Variants in SLC5A4 observed in about 807,000 individuals in gnomAD.
The protein encoded by SLC5A4 is solute carrier family 5 member 4, also known as probable glucose sensor protein SLC5A4.
In SLC5A4, 55 loss-of-function variants were observed where a neutral mutation model predicts 70.3. The ratio of observed to expected loss-of-function variants is 0.78; its 90% CI spans 0.63 to 0.98. The LOEUF is 0.98. Among genes scored for constraint, SLC5A4 ranks in the 50% least tolerant of loss-of-function variants. The pLI, the probability that SLC5A4 is intolerant of heterozygous loss-of-function variation, is 0.00. For missense variants in SLC5A4, 735 were observed against 839.2 expected, an observed-to-expected ratio of 0.88 and a Z score of 1.53; for synonymous variants, 268 against 305.7, an observed-to-expected ratio of 0.88 and a Z score of 1.29.
chr22:32,254,924 A>T (rs1285385298), intron 1 of SLC5A4, among the ~76,000 whole-genome samples: 2 of 152,236 alleles, frequency 1.3e-5, no homozygotes, highest in Non-Finnish European at 2.9e-5. Context: ...AAGAAATGCG[A>T]TAATAAAAAT....
chr22:32,248,387 G>C (rs5998336), intron 4 of SLC5A4, among the ~76,000 whole-genome samples: 65 of 152,018 alleles, frequency 4.3e-4, no homozygotes, highest in African/African-American at 1.5e-3. Context: ...CTCCCAGATA[G>C]GGTCAAAGAG....
the SLC5A4 span, among the ~76,000 whole-genome samples, chr22:32,326,526 A>G: frequency 5.9e-5 from 9 of 152,024 alleles, no homozygotes; most frequent in African/African-American, 2.2e-4. Flanking sequence ...AAGTGCTGGG[A>G]TTACAGACAT....
chr22:32,302,492 T>C, the SLC5A4 span, among the ~76,000 whole-genome samples: 4 of 152,252 alleles, frequency 2.6e-5, 1 homozygote, highest in Non-Finnish European at 5.9e-5. Flanking sequence ...TTACTTAGTA[T>C]GTAAGACTTA....
At chr22:32,272,550 A>C in the SLC5A4 span, 23 of 652,320 alleles carry the variant, frequency 3.5e-5, no homozygotes, top group African/African-American at 2.2e-4. Flanking sequence ...TGATGCCAAG[A>C]CCCTGGAGGT....
chr22:32,275,614 C>T, the SLC5A4 span, among the ~76,000 whole-genome samples: 23 of 152,224 alleles, frequency 1.5e-4, no homozygotes, highest in South Asian at 4.6e-3. Context: ...ATCCAGTCTA[C>T]CATTGATGGA....
the SLC5A4 span, among the ~76,000 whole-genome samples, chr22:32,328,151 C>T: frequency 6.6e-6 from 1 of 152,124 alleles, no homozygotes; most frequent in Non-Finnish European, 1.5e-5. Context: ...AGCACACACA[C>T]ACCAACTGTT....
the SLC5A4 span, among the ~76,000 whole-genome samples, chr22:32,318,874 G>C: frequency 6.6e-6 from 1 of 152,300 alleles, no homozygotes; most frequent in African/African-American, 2.4e-5. Context: ...AACGGTAATG[G>C]TTTGTTTAGT....
At chr22:32,293,918 A>G in the SLC5A4 span, among the ~76,000 whole-genome samples, 1 of 152,190 alleles carries the variant, frequency 6.6e-6, no homozygotes, top group African/African-American at 2.4e-5. Flanking sequence ...TTGATATAGT[A>G]GTATAAAATA....
At chr22:32,268,153 TTG>T in the SLC5A4 span, 1 of 152,196 alleles carries the variant, frequency 6.6e-6, no homozygotes, top group Non-Finnish European at 1.5e-5. Flanking sequence ...TGTATTTATA[TTG>T]TGTTTCATTA....
chr22:32,267,128 C>T, the SLC5A4 span, among the ~76,000 whole-genome samples: 2 of 152,230 alleles, frequency 1.3e-5, no homozygotes, highest in Non-Finnish European at 2.9e-5. Context: ...CCACAATATA[C>T]AAGACCTAAT....
the SLC5A4 span, among the ~76,000 whole-genome samples, chr22:32,341,307 T>C: frequency 1.3e-5 from 2 of 151,914 alleles, no homozygotes; most frequent in African/African-American, 4.8e-5. Context: ...ATCAGGGAGA[T>C]GAGGATGGAG....
chr22:32,341,102 C>T, the SLC5A4 span, among the ~76,000 whole-genome samples: 6 of 152,100 alleles, frequency 3.9e-5, no homozygotes, highest in East Asian at 1.9e-4. Context: ...CAGTCTCCCA[C>T]GTCTATGGGG....
intron 13 of SLC5A4, among the ~76,000 whole-genome samples, chr22:32,222,477 A>G (rs1925141841): frequency 6.6e-6 from 1 of 152,230 alleles, no homozygotes; most frequent in South Asian, 2.1e-4. Flanking sequence ...CATATTAATG[A>G]GACATTAACA....
chr22:32,301,761 T>C, the SLC5A4 span, among the ~76,000 whole-genome samples: 2 of 152,004 alleles, frequency 1.3e-5, no homozygotes, highest in African/African-American at 4.8e-5. Context: ...GTTTTAAAAC[T>C]TACAACAAAG....
chr22:32,340,568 G>C, the SLC5A4 span, among the ~76,000 whole-genome samples: 1 of 152,236 alleles, frequency 6.6e-6, no homozygotes, highest in Non-Finnish European at 1.5e-5. Flanking sequence ...GACGGGAGTA[G>C]GTGGCTGCTT....
At chr22:32,299,406 C>T in the SLC5A4 span, among the ~76,000 whole-genome samples, 2 of 119,292 alleles carry the variant, frequency 1.7e-5, no homozygotes, top group Non-Finnish European at 3.6e-5. Context: ...TCATTCATTT[C>T]ATCTTCCATC....
Position 32,233,809 on chromosome 22 carries a change from A to T in SLC5A4, c.886-775T>A, listed in dbSNP as rs75013999. 1.3e-3 allele frequency among the ~76,000 whole-genome samples: 195 copies of T among 152,138 alleles called. 2 individuals are homozygous for T. In the East Asian group the frequency reaches 0.019, roughly 15 times the overall value. On this transcript the variant is annotated intron_variant, in intron 8 of 14. Coordinates refer to ENST00000266086, the MANE Select transcript of SLC5A4 (RefSeq NM_014227.3). ...AGACCCTGTCTCTATTTAAAAAATA[A>T]TGTTTTTAAAAAAGGAAGAAAACAA...
chr22:32,277,101 TTCTC>T, the SLC5A4 span: 5 of 152,224 alleles, frequency 3.3e-5, no homozygotes, highest in African/African-American at 9.6e-5. Flanking sequence ...GTCCTTCTCT[TTCTC>T]TCCTTTTCTA....
At chr22:32,322,422 T>C in the SLC5A4 span, among the ~76,000 whole-genome samples, 1 of 151,828 alleles carries the variant, frequency 6.6e-6, no homozygotes, top group Admixed American at 6.6e-5. Context: ...CCATCTCTAC[T>C]AAAAATACAA....
Sources: allele counts gnomAD v4.1 joint callset (sites outside exome capture counted in the v4.1 genomes callset), GRCh38; gene constraint gnomAD v4.1.1; transcripts MANE v1.5; gene names NCBI Gene and HGNC (gene_info 2026-07-23, HGNC 2026-07-21).